RBFOX3: variants seen among roughly 807,000 people sequenced by gnomAD.
The protein encoded by RBFOX3 is RNA binding fox-1 homolog 3.
RBFOX3 carries 17 observed loss-of-function variants against 48.7 expected under a neutral mutation model. The ratio of observed to expected loss-of-function variants is 0.35; its 90% CI spans 0.24 to 0.52. The LOEUF (loss-of-function observed/expected upper bound fraction) is 0.52. Ranked by LOEUF, RBFOX3 falls within the 20% of genes least tolerant of loss-of-function variation. The pLI is 0.94. For missense variants in RBFOX3, 382 were observed against 497.5 expected (o/e 0.77, Z 2.21); for synonymous variants, 212 against 209.5 (o/e 1.01, Z -0.10).
At chr17:79,520,670 C>T (rs1402291550) in intron 1 of RBFOX3, among the ~76,000 whole-genome samples, 2 of 152,368 alleles carry the variant, frequency 1.3e-5, no homozygotes, top group African/African-American at 4.8e-5. Context: ...GCCGGCGCCA[C>T]CCTGCAAAGA....
chr17:79,495,128 C>T (rs963050700), intron 1 of RBFOX3, among the ~76,000 whole-genome samples: 2 of 151,372 alleles, frequency 1.3e-5, no homozygotes, highest in African/African-American at 4.9e-5. Flanking sequence ...ACAGCCCATC[C>T]TGTTTCCCGG....
At chr17:79,317,001 C>T (rs1295826312) in intron 2 of RBFOX3, among the ~76,000 whole-genome samples, 1 of 152,204 alleles carries the variant, frequency 6.6e-6, no homozygotes. Flanking sequence ...CACGCACACA[C>T]ACAGATGTGC....
At chr17:79,257,586 T>C (rs1432433404) in intron 3 of RBFOX3, among the ~76,000 whole-genome samples, 1 of 152,140 alleles carries the variant, frequency 6.6e-6, no homozygotes, top group Non-Finnish European at 1.5e-5. Flanking sequence ...CTTTGCTTTT[T>C]TTTTCCCCCT....
In RBFOX3 at chr17:79,118,089, C is replaced by T. The variant is rs2034592037; in HGVS notation, c.-33-2341G>A. ...TGGGCAACCCAGCCGTGCCCTGCTC[C>T]CTGAAGCCCCCAGTGCCGGCCGGCC... On this transcript the variant is annotated intron_variant, in intron 4 of 14. Coordinates refer to ENST00000693108, the MANE Select transcript of RBFOX3 (RefSeq NM_001350451.2). 2.6e-5 allele frequency among the ~76,000 whole-genome samples: 4 copies of T among 152,206 alleles called. No homozygotes were observed. The South Asian group carries it at 6.2e-4, about 24-fold the overall frequency.
Position 79,115,682 on chromosome 17 carries a change from G to A in RBFOX3, c.34C>T (p.Pro12Ser). 3 of 1,030,652 alleles carry A rather than the reference G, an allele frequency of 2.9e-6. No homozygotes were observed. The highest frequency in any genetic ancestry group is 4.2e-6 in the Non-Finnish European group (3 of 720,448). 63.8% of individuals were successfully genotyped at this position (1,030,652 alleles called of 1,614,324 possible). A position where few individuals can be genotyped will look rare whatever the true frequency, so the allele number is the denominator to read the frequency against. The change falls in exon 5 of 15, where the codon CCT becomes TCT. Residue 12 changes from proline to serine, a missense_variant. Pro to Ser is a moderately conservative substitution (Grantham distance 74). Coordinates refer to ENST00000693108, the MANE Select transcript of RBFOX3 (RefSeq NM_001350451.2). ...GCAGGGATGCCGTTCTGTGGCGGAG[G>A]GGGGTACTGGGCGGGGGGGTAGGGC... ...AQPYPPAQYP[P>S]PPQNGIPAEY...
In RBFOX3 at chr17:79,204,499, T is replaced by C. The variant is rs1310814381; in HGVS notation, c.-34+31267A>G. Among the ~76,000 whole-genome samples, 1 of 152,168 alleles carries C rather than the reference T, an allele frequency of 6.6e-6. No homozygotes were observed. The highest frequency in any genetic ancestry group is 2.4e-5 in the African/African-American group (1 of 41,440). The stretch of plus-strand genomic sequence containing the variant: ...TTGAAGCGCACACATACCGACAGCA[T>C]TCAGTCAACGAGGTCGACGCGCTGG... On this transcript the variant is annotated intron_variant, in intron 4 of 14. Coordinates refer to ENST00000693108, the MANE Select transcript of RBFOX3 (RefSeq NM_001350451.2). The surrounding 1 kb of genome is among the most constrained non-coding windows in gnomAD (Gnocchi z 4.5).
intron 3 of RBFOX3, among the ~76,000 whole-genome samples, chr17:79,273,623 G>C (rs57294616): frequency 0.034 from 5,167 of 152,128 alleles, 287 homozygotes; most frequent in African/African-American, 0.12. Flanking sequence ...GGGGCAGCGT[G>C]AGGCTGGCCC....
intron 4 of RBFOX3, among the ~76,000 whole-genome samples, chr17:79,176,577 TG>T (rs1324880191): frequency 6.6e-6 from 1 of 152,244 alleles, no homozygotes; most frequent in African/African-American, 2.4e-5. Flanking sequence ...TCAGTCCTTC[TG>T]GTCTCGAGTA....
chr17:79,286,086 T>G (rs1254426754), intron 3 of RBFOX3, among the ~76,000 whole-genome samples: 1 of 152,222 alleles, frequency 6.6e-6, no homozygotes, highest in Non-Finnish European at 1.5e-5. Flanking sequence ...CAGCTGGCAC[T>G]GTGACCTTCT....
chr17:79,222,298 AG>A (rs2059834496), intron 4 of RBFOX3, among the ~76,000 whole-genome samples: 1 of 152,178 alleles, frequency 6.6e-6, no homozygotes, highest in African/African-American at 2.4e-5. Context: ...CCTGGCCAGA[AG>A]GTACAGAGGC....
At chr17:79,552,447 G>T (rs2091245800) in intron 1 of RBFOX3, among the ~76,000 whole-genome samples, 1 of 152,084 alleles carries the variant, frequency 6.6e-6, no homozygotes, top group South Asian at 2.1e-4. Context: ...AGCATAATTT[G>T]CCATAAGAAT....
chr17:79,321,510 G>A (rs1355893685), intron 2 of RBFOX3, among the ~76,000 whole-genome samples: 3 of 152,084 alleles, frequency 2.0e-5, no homozygotes, highest in African/African-American at 4.8e-5. Context: ...CCCATGGAGC[G>A]CAGGTGAGAA....
At chr17:79,119,141 C>A (rs2035010669) in intron 4 of RBFOX3, among the ~76,000 whole-genome samples, 1 of 152,174 alleles carries the variant, frequency 6.6e-6, no homozygotes, top group South Asian at 2.1e-4. Flanking sequence ...TGAGGTTCTG[C>A]AGGGCTGAAG....
chr17:79,347,275 T>G (rs2083070832), intron 2 of RBFOX3, among the ~76,000 whole-genome samples: 1 of 152,224 alleles, frequency 6.6e-6, no homozygotes, highest in African/African-American at 2.4e-5. Context: ...ATTAAGAACT[T>G]TATCTTTGTT....
chr17:79,511,606 G>A (rs2084211663), intron 1 of RBFOX3, among the ~76,000 whole-genome samples: 1 of 152,148 alleles, frequency 6.6e-6, no homozygotes, highest in Non-Finnish European at 1.5e-5. Flanking sequence ...GAATTTATCT[G>A]TCAGGCAACA....
intron 4 of RBFOX3, among the ~76,000 whole-genome samples, chr17:79,167,463 C>T (rs944278197): frequency 1.8e-4 from 28 of 152,196 alleles, no homozygotes; most frequent in African/African-American, 6.5e-4. Context: ...GTCCATGGGA[C>T]CTTGGCTCTA....
intron 4 of RBFOX3, among the ~76,000 whole-genome samples, chr17:79,140,231 C>A (rs997923340): frequency 6.6e-6 from 1 of 152,230 alleles, no homozygotes; most frequent in African/African-American, 2.4e-5. Flanking sequence ...ACTGAGGCTG[C>A]GAGAGCTTAG....
At position 79,204,196 on chromosome 17, in the gene RBFOX3, G is replaced by A. The variant is rs977730725; in HGVS notation, c.-34+31570C>T. On this transcript the variant is annotated intron_variant, in intron 4 of 14. Coordinates refer to ENST00000693108, the MANE Select transcript of RBFOX3 (RefSeq NM_001350451.2). This position sits in a 1 kb window ranked among gnomAD's most constrained non-coding sequence, Gnocchi z 4.5. ...AGTTGGGGTTCAGCACAGGCCAAGG[G>A]GGCAACAGCCCCAGCTCAGGAAGAA... Among the ~76,000 whole-genome samples the A allele has an allele frequency of 6.6e-6, 1 of 152,122 alleles. No individual in the cohort carries two copies. The highest frequency in any genetic ancestry group is 6.5e-5 in the Admixed American group (1 of 15,284).
intron 2 of RBFOX3, among the ~76,000 whole-genome samples, chr17:79,321,509 C>T (rs527417401): frequency 7.5e-4 from 114 of 152,202 alleles, no homozygotes; most frequent in Admixed American, 1.8e-3. Context: ...TCCCATGGAG[C>T]GCAGGTGAGA....
Sources: gnomAD v4.1 joint callset for allele counts (sites outside exome capture counted in the v4.1 genomes callset) on GRCh38, gnomAD v4.1.1 for gene constraint, Gnocchi (gnomAD v3.1) non-coding constraint, MANE v1.5 for transcripts, NCBI Gene and HGNC (gene_info 2026-07-23, HGNC 2026-07-21) for gene names.